ETV1: variants seen among roughly 807,000 people sequenced by gnomAD.
The protein encoded by ETV1 is ETS variant transcription factor 1, also known as ETS translocation variant 1.
In ETV1, 27 loss-of-function variants were observed where a neutral mutation model predicts 62.3. The ratio of observed to expected loss-of-function variants is 0.43; its 90% CI spans 0.32 to 0.60. The LOEUF (loss-of-function observed/expected upper bound fraction) is 0.60. Among genes scored for constraint, ETV1 ranks in the 20% least tolerant of loss-of-function variants. ETV1 has a pLI of 0.06. For missense variants in ETV1, 605 were observed against 605.8 expected (o/e 1.00, Z 0.01); for synonymous variants, 222 against 199.6 (o/e 1.11, Z -0.94).
chr7:13,921,882 C>T (rs143423183), intron 9 of ETV1, among the ~76,000 whole-genome samples: 1 of 152,064 alleles, frequency 6.6e-6, no homozygotes, highest in African/African-American at 2.4e-5. Flanking sequence ...TTTTCCAGGG[C>T]TTTAAAAATA....
At chr7:13,914,733 G>A (rs985106673) in intron 9 of ETV1, among the ~76,000 whole-genome samples, 1 of 151,958 alleles carries the variant, frequency 6.6e-6, no homozygotes, top group Non-Finnish European at 1.5e-5. Flanking sequence ...TGACCACAAA[G>A]TGCAGTATTG....
At chr7:13,950,941 C>CACACACACACACACAA (rs796670451) in intron 6 of ETV1, among the ~76,000 whole-genome samples, 2 of 147,108 alleles carry the variant, frequency 1.4e-5, no homozygotes, top group Admixed American at 6.8e-5. Context: ...CACACACACA[C>CACACACACACACACAA]AATATCGAGC....
At chr7:13,973,728 T>A (rs1397930401) in intron 6 of ETV1, among the ~76,000 whole-genome samples, 1 of 152,190 alleles carries the variant, frequency 6.6e-6, no homozygotes, top group Non-Finnish European at 1.5e-5. Flanking sequence ...CTTATTTACA[T>A]GTCCCAAAGC....
intron 5 of ETV1, among the ~76,000 whole-genome samples, chr7:13,980,239 T>A (rs1425676785): frequency 6.6e-6 from 1 of 152,136 alleles, no homozygotes; most frequent in East Asian, 1.9e-4. Context: ...TACCTCTAAT[T>A]TCAAGTTAGA....
At chr7:13,957,039 T>G (rs941150902) in intron 6 of ETV1, among the ~76,000 whole-genome samples, 1 of 152,176 alleles carries the variant, frequency 6.6e-6, no homozygotes, top group African/African-American at 2.4e-5. Flanking sequence ...CAAACTATAT[T>G]TACTGCTACG....
At chr7:13,900,221 C>T (rs1782269403) in intron 13 of ETV1, among the ~76,000 whole-genome samples, 1 of 152,108 alleles carries the variant, frequency 6.6e-6, no homozygotes, top group African/African-American at 2.4e-5. Flanking sequence ...CAAATAAGAT[C>T]AAATGTTCAT....
chr7:13,939,886 T>C (rs1240689664), intron 6 of ETV1, among the ~76,000 whole-genome samples: 1 of 152,238 alleles, frequency 6.6e-6, no homozygotes, highest in African/African-American at 2.4e-5. Context: ...TTGTCACATG[T>C]AATCTACCAT....
At chr7:13,975,146 A>G (rs560404935) in intron 6 of ETV1, 5 of 152,362 alleles carry the variant, frequency 3.3e-5, no homozygotes, top group African/African-American at 1.2e-4. Flanking sequence ...AGTCCCACTA[A>G]CCACATTTCG....
chr7:13,934,512 T>C (rs1230305715), intron 8 of ETV1, among the ~76,000 whole-genome samples: 3 of 152,326 alleles, frequency 2.0e-5, no homozygotes, highest in South Asian at 4.1e-4. Flanking sequence ...TTTACAACGG[T>C]GTCTCAGGGC....
chr7:13,897,410 A>AT (rs950541513), intron 13 of ETV1, among the ~76,000 whole-genome samples: 7 of 152,214 alleles, frequency 4.6e-5, no homozygotes, highest in Admixed American at 3.9e-4. Flanking sequence ...AATTTAGAAC[A>AT]TTTTTTGTTT....
rs567406781 is a variant in ETV1, at chr7:13,956,787, A to G, written c.236-17541T>C. Among the ~76,000 whole-genome samples the G allele has an allele frequency of 3.9e-5, 6 of 152,336 alleles. No individual in the cohort carries two copies. In the South Asian group the frequency reaches 1.2e-3, roughly 32 times the overall value. On this transcript the variant is annotated intron_variant, in intron 6 of 13. Coordinates refer to ENST00000430479, the MANE Select transcript of ETV1 (RefSeq NM_004956.5). ...AGTCTTTATGTTATACATAATATAC[A>G]GTATACAGAGGCACTACATAGGAAA...
In ETV1 at chr7:13,943,593, T is replaced by C. The variant is rs138073048; in HGVS notation, c.236-4347A>G. ...ATGTTCAAAGAAGCTTTATTCATGA[T>C]AGCAAAAACTGGAAAAACTCAAATA... On this transcript the variant is annotated intron_variant, in intron 6 of 13. Transcript: ENST00000430479. Among the ~76,000 whole-genome samples, 313 of 152,278 alleles carry C rather than the reference T, an allele frequency of 2.1e-3. 1 individual carries two copies. The highest frequency in any genetic ancestry group is 3.4e-3 in the Middle Eastern group (1 of 294).
rs556342021 is a variant in ETV1 at position 13,931,810 on chromosome 7, G to A, written c.555-61C>T. On this transcript the variant is annotated intron_variant, in intron 8 of 13. Transcript: ENST00000430479. The stretch of plus-strand genomic sequence containing the variant: ...TAACATGGAACATTCTTTAAAATAC[G>A]GATACGGTTTTCCATTTCTTAGTGA... 8.0e-5 allele frequency: 127 copies of A among 1,580,944 alleles called. No individual in the cohort carries two copies. The African/African-American group carries it at 1.2e-3, about 14-fold the overall frequency.
At chr7:13,973,873 T>A (rs148820678) in intron 6 of ETV1, among the ~76,000 whole-genome samples, 1,889 of 152,278 alleles carry the variant, frequency 0.012, 15 homozygotes, top group Non-Finnish European at 0.019. Flanking sequence ...TTAAGGCATA[T>A]CATGTTTCTA....
chr7:13,968,680 A>C (rs1043512483), intron 6 of ETV1, among the ~76,000 whole-genome samples: 8 of 151,804 alleles, frequency 5.3e-5, no homozygotes, highest in African/African-American at 1.9e-4. Context: ...TTTTTCTAAA[A>C]CCCACTTTTC....
chr7:13,966,819 C>T (rs904107256), intron 6 of ETV1, among the ~76,000 whole-genome samples: 3 of 152,056 alleles, frequency 2.0e-5, no homozygotes, highest in Non-Finnish European at 4.4e-5. Context: ...CTTCATTTAT[C>T]AATTATATGC....
At chr7:13,896,743 G>GAAAAGAAAGAAA (rs144984792) in intron 13 of ETV1, among the ~76,000 whole-genome samples, 1 of 115,302 alleles carries the variant, frequency 8.7e-6, no homozygotes, top group Non-Finnish European at 1.7e-5. Flanking sequence ...AAGAAAGAAA[G>GAAAAGAAAGAAA]GAAAGAAAGA....
intron 9 of ETV1, 81 bp downstream of exon 9, chr7:13,931,421 A>G: frequency 6.7e-7 from 1 of 1,501,538 alleles, no homozygotes; most frequent in Non-Finnish European, 9.2e-7. Context: ...GGAGCTACCT[A>G]GTCTGATACC....
At chr7:13,920,441 AGTGTGT>A (rs4027263) in intron 9 of ETV1, among the ~76,000 whole-genome samples, 8 of 148,428 alleles carry the variant, frequency 5.4e-5, no homozygotes, top group East Asian at 4.0e-4. Flanking sequence ...AGAGTGAGTG[AGTGTGT>A]GTGTGTGTGT....
Sources: gnomAD v4.1 joint callset for allele counts (sites outside exome capture counted in the v4.1 genomes callset) on GRCh38, gnomAD v4.1.1 for gene constraint, MANE v1.5 for transcripts, NCBI Gene and HGNC (gene_info 2026-07-23, HGNC 2026-07-21) for gene names.